Variants in CDC25B observed in about 807,000 individuals in gnomAD.
The protein encoded by CDC25B is cell division cycle 25B.
A neutral mutation model predicts 69.8 loss-of-function variants in CDC25B; 33 were observed. The ratio of observed to expected loss-of-function variants is 0.47; its 90% CI spans 0.36 to 0.63. The LOEUF (loss-of-function observed/expected upper bound fraction) is 0.63, where lower values mean the gene tolerates loss of function less well. CDC25B is among the 30% of genes least tolerant of loss of function. The pLI is 0.00. For synonymous variants in CDC25B, 341 were observed against 314.6 expected (o/e 1.08, Z -0.89); for missense variants, 727 against 809.1 (o/e 0.90, Z 1.23).
intron 7 of CDC25B, 52 bp from the exon 8 acceptor site, chr20:3,801,202 G>C: frequency 1.2e-6 from 2 of 1,604,058 alleles, no homozygotes; most frequent in Non-Finnish European, 1.7e-6. Flanking sequence ...AGGAGGATGG[G>C]GGCGGGAACT....
chr20:3,802,664 G>T (rs2089328745), intron 11 of CDC25B: 1 of 604,192 alleles, frequency 1.7e-6, no homozygotes, highest in Non-Finnish European at 2.9e-6. Flanking sequence ...TTGGCAGAGG[G>T]TAGGGAGCAG....
chr20:3,792,512 G>A (rs1336799602), upstream of CDC25B, among the ~76,000 whole-genome samples: 1 of 152,088 alleles, frequency 6.6e-6, no homozygotes, highest in Non-Finnish European at 1.5e-5. Context: ...TTTTCGCCCA[G>A]GCTGGAGTGC....
At position 3,805,494 on chromosome 20, in the gene CDC25B, G is replaced by A. The variant is rs573720434; in HGVS notation, c.*533G>A. ...TTTCCCCTTTCCTGTCCCACCATAC[G>A]AGCACCTCCAGCCTGAACAGAAGCT... On this transcript the variant is annotated 3_prime_UTR_variant, in exon 16 of 16. Transcript: ENST00000245960. 8 of 327,276 alleles carry A rather than the reference G, an allele frequency of 2.4e-5. No homozygotes were observed. The South Asian group carries it at 8.2e-4, about 34-fold the overall frequency. 20.3% of individuals were successfully genotyped at this position (327,276 alleles called of 1,614,324 possible). A position where few individuals can be genotyped will look rare whatever the true frequency, so the allele number is the denominator to read the frequency against.
Position 3,805,128 on chromosome 20 carries a change from C to A in CDC25B, c.*167C>A. 1 of 690,488 alleles carries A rather than the reference C, an allele frequency of 1.4e-6. No homozygotes were observed. Among genetic ancestry groups the A allele is most frequent in the South Asian group, 2.0e-5 (1 of 51,140 alleles). 42.8% of individuals were successfully genotyped at this position (690,488 alleles called of 1,614,324 possible). Reference sequence around the variant, plus strand: ...CCCAGCCCAGATTCCCCTGTGTCATCCCATCATTTTCCATATCCTGGTGCC... The same window carrying A: ...CCCAGCCCAGATTCCCCTGTGTCATACCATCATTTTCCATATCCTGGTGCC... On this transcript the variant is annotated 3_prime_UTR_variant, in exon 16 of 16. Coordinates refer to ENST00000245960, the MANE Select transcript of CDC25B (RefSeq NM_021873.4).
At chr20:3,791,060 G>A (rs773201247) in intron 1 of CDC25B, among the ~76,000 whole-genome samples, 6 of 152,244 alleles carry the variant, frequency 3.9e-5, no homozygotes, top group Non-Finnish European at 5.9e-5. Flanking sequence ...TCAACATGTA[G>A]TCTTTCAATA....
chr20:3,794,195 A>G (rs1480258985), upstream of CDC25B, among the ~76,000 whole-genome samples: 1 of 150,724 alleles, frequency 6.6e-6, no homozygotes, highest in Non-Finnish European at 1.5e-5. Flanking sequence ...CAAGGGTTGA[A>G]CTAGTTTACA....
chr20:3,800,239 G>A, intron 3 of CDC25B, 49 bp from the exon 4 acceptor site: 1 of 1,593,984 alleles, frequency 6.3e-7, no homozygotes, highest in Non-Finnish European at 8.6e-7. Context: ...TGGGGTGGGT[G>A]ATGGGTGCGG....
rs1226299533 is a variant in CDC25B, at chr20:3,796,422, C to A, written c.-110C>A. The A allele has an allele frequency of 1.8e-5, 3 of 168,400 alleles. No homozygotes were observed. The highest frequency in any genetic ancestry group is 8.0e-5 in the Admixed American group (1 of 12,438). The allele number at this position is 168,400 out of a possible 1,614,324, so 10.4% of individuals were successfully genotyped here. A position where few individuals can be genotyped will look rare whatever the true frequency, so the allele number is the denominator to read the frequency against. ...GGCTCTTCCTCCCTCCCTCCTTCCC[C>A]CCCCCCCCACCCCTCGCCCGCTGCC... On this transcript the variant is annotated 5_prime_UTR_variant, in exon 1 of 16. Transcript: ENST00000245960.
upstream of CDC25B, among the ~76,000 whole-genome samples, chr20:3,793,468 CAAAA>C (rs1207436588): frequency 2.0e-5 from 3 of 150,076 alleles, no homozygotes; most frequent in Admixed American, 2.0e-4. Context: ...AACAAACAAA[CAAAA>C]AAACCCAGAA....
chr20:3,796,810 G>C (rs2089073494), intron 1 of CDC25B, 79 bp downstream of exon 1: 1 of 1,479,754 alleles, frequency 6.8e-7, no homozygotes, highest in Non-Finnish European at 8.9e-7. Flanking sequence ...AACTGGGCAT[G>C]GTAGTCGAAT....
At position 3,796,519 on chromosome 20, in the gene CDC25B, C is replaced by G. The variant is rs1568502645; in HGVS notation, c.-13C>G. The G allele has an allele frequency of 1.3e-5, 20 of 1,482,744 alleles. No homozygotes were observed. The highest frequency in any genetic ancestry group is 2.2e-5 in the Admixed American group (1 of 45,066). 91.8% of individuals were successfully genotyped at this position (1,482,744 alleles called of 1,614,324 possible). The stretch of plus-strand genomic sequence containing the variant: ...CCCGGCCCTCCAGCCAGCCTTCTGC[C>G]GGCCCCGCCGCGATGGAGGTGCCCC... On this transcript the variant is annotated 5_prime_UTR_variant, in exon 1 of 16. Transcript: ENST00000245960.
In CDC25B at chr20:3,796,421, C is replaced by CCT; in HGVS notation, c.-110_-109insTC. 6.1e-6 allele frequency: 1 copy of CCT among 163,382 alleles called. No individual in the cohort carries two copies. The highest frequency in any genetic ancestry group is 1.1e-5 in the Non-Finnish European group (1 of 86,982). The allele number at this position is 163,382 out of a possible 1,614,324, so 10.1% of individuals were successfully genotyped here. A position where few individuals can be genotyped will look rare whatever the true frequency, so the allele number is the denominator to read the frequency against. On this transcript the variant is annotated 5_prime_UTR_variant, in exon 1 of 16. Transcript: ENST00000245960. ...TGGCTCTTCCTCCCTCCCTCCTTCC[C>CCT]CCCCCCCCCACCCCTCGCCCGCTGC...
In CDC25B at chr20:3,802,056, C is replaced by T. The variant is rs577722969; in HGVS notation, c.1054C>T (p.Arg352Trp). 5.8e-6 allele frequency: 9 copies of T among 1,565,108 alleles called. No individual in the cohort carries two copies. The highest frequency in any genetic ancestry group is 7.8e-6 in the Non-Finnish European group (9 of 1,154,912). ...RDTPVQNKRR[R>W]SVTPPEEQQE... ...CACGCCCGTGCAGAATAAGCGGAGG[C>T]GGAGCGTGACCCCTCCTGAGGAGCA... The change falls in exon 10 of 16, where the codon CGG becomes TGG. Residue 352 changes from arginine (R) to tryptophan (W), a missense_variant. Transcript: ENST00000245960.
chr20:3,797,495 C>A, intron 1 of CDC25B, 127 bp from the exon 2 acceptor site: 1 of 1,234,392 alleles, frequency 8.1e-7, no homozygotes, highest in Non-Finnish European at 1.1e-6. Context: ...GCCCTCAGGG[C>A]CATTGCTTTC....
intron 1 of CDC25B, among the ~76,000 whole-genome samples, chr20:3,797,025 G>A (rs376622347): frequency 6.6e-6 from 1 of 152,104 alleles, no homozygotes; most frequent in African/African-American, 2.4e-5. Context: ...CGCTGCCTCC[G>A]TAATCTCTGC....
chr20:3,798,514 A>G (rs376517206), intron 3 of CDC25B, 51 bp downstream of exon 3: 214 of 1,410,712 alleles, frequency 1.5e-4, no homozygotes, highest in Non-Finnish European at 2.0e-4. Flanking sequence ...CCTGTCTTTA[A>G]GAATCCTAGT....
intron 8 of CDC25B, 95 bp downstream of exon 8, chr20:3,801,483 C>CAG (rs2089282514): frequency 7.1e-7 from 1 of 1,406,434 alleles, no homozygotes; most frequent in South Asian, 1.4e-5. Context: ...ACCATGATGT[C>CAG]ATTCCAGTGT....
At chr20:3,797,780 C>T (rs748852030) in intron 2 of CDC25B, 31 bp downstream of exon 2, 2 of 1,612,024 alleles carry the variant, frequency 1.2e-6, no homozygotes, top group Admixed American at 1.7e-5. Context: ...GGGAGATCTG[C>T]CTGTGTCAGG....
rs1187793934 is a variant in CDC25B at position 3,797,710 on chromosome 20, T to A, written c.289T>A (p.Ser97Thr). Reference sequence around the variant, plus strand: ...ATCCCTGTCTCGACGGGCATCCGAATCCTCCCTGTCGTCTGAATCCTCCGA... The same window carrying A: ...ATCCCTGTCTCGACGGGCATCCGAAACCTCCCTGTCGTCTGAATCCTCCGA... ...HLSLSRRASE[S>T]SLSSESSESS... The change falls in exon 2 of 16, where the codon TCC (serine) becomes ACC (threonine). Residue 97 changes from serine (S) to threonine (T), a missense_variant. This residue lies in a region of CDC25B where 368 missense variants were observed against 345.6 expected (regional missense o/e 1.06). Transcript: ENST00000245960. 1 of 1,613,954 alleles carries A rather than the reference T, an allele frequency of 6.2e-7. No individual in the cohort carries two copies. The highest frequency in any genetic ancestry group is 1.3e-5 in the African/African-American group (1 of 74,906).
Sources: gnomAD v4.1 joint callset for allele counts (sites outside exome capture counted in the v4.1 genomes callset) on GRCh38, gnomAD v4.1.1 for gene constraint, gnomAD v4.1.1 regional missense constraint, MANE v1.5 for transcripts, NCBI Gene and HGNC (gene_info 2026-07-23, HGNC 2026-07-21) for gene names.